Variants in SCG3 observed in about 807,000 individuals in gnomAD.
The protein encoded by SCG3 is secretogranin-3.
SCG3 carries 38 observed loss-of-function variants against 56.2 expected under a neutral mutation model. The observed-to-expected ratio is 0.68, with a 90% CI of 0.52 to 0.89. SCG3 has a LOEUF of 0.89. Ranked by LOEUF, SCG3 falls within the 40% of genes least tolerant of loss-of-function variation. The pLI, the probability that SCG3 is intolerant of heterozygous loss-of-function variation, is 0.00. For missense variants in SCG3, 524 were observed against 540.7 expected (o/e 0.97, Z 0.31); for synonymous variants, 176 against 184.2 (o/e 0.96, Z 0.36).
chr15:51,699,444 C>T, intron 9 of SCG3, 42 bp downstream of exon 9: 2 of 1,215,696 alleles, frequency 1.6e-6, no homozygotes, highest in Non-Finnish European at 2.4e-6. Flanking sequence ...AGAATAATAA[C>T]CCTTTTGAGT....
intron 4 of SCG3, among the ~76,000 whole-genome samples, chr15:51,686,328 G>T (rs1012435947): frequency 6.6e-6 from 1 of 152,214 alleles, no homozygotes; most frequent in East Asian, 1.9e-4. Context: ...GGAGACCTAA[G>T]TTCCTGGCTC....
At chr15:51,699,795 C>T (rs1014964302) in intron 9 of SCG3, among the ~76,000 whole-genome samples, 2 of 152,084 alleles carry the variant, frequency 1.3e-5, no homozygotes, top group African/African-American at 2.4e-5. Flanking sequence ...GCCCGCCTCC[C>T]GCTCTCCCCT....
At chr15:51,692,913 C>T (rs974994779) in intron 7 of SCG3, among the ~76,000 whole-genome samples, 1 of 150,980 alleles carries the variant, frequency 6.6e-6, no homozygotes, top group Admixed American at 6.6e-5. Flanking sequence ...CACTTAAGAC[C>T]TACCCTCTTA....
intron 4 of SCG3, among the ~76,000 whole-genome samples, 182 bp downstream of exon 4, chr15:51,683,616 T>C (rs1280095207): frequency 2.0e-5 from 3 of 152,154 alleles, no homozygotes; most frequent in African/African-American, 7.2e-5. Flanking sequence ...GAGTGCCATA[T>C]TTTATTTTCC....
At chr15:51,719,084 A>G (rs939760298) in intron 11 of SCG3, among the ~76,000 whole-genome samples, 18 of 152,176 alleles carry the variant, frequency 1.2e-4, no homozygotes, top group African/African-American at 7.2e-5. Flanking sequence ...CCACTTCCCA[A>G]TAGCCCCAGG....
At chr15:51,717,549 A>AG (rs1317019167) in intron 11 of SCG3, among the ~76,000 whole-genome samples, 1 of 116 alleles carries the variant, frequency 8.6e-3, no homozygotes, top group Non-Finnish European at 0.083. Flanking sequence ...AGAAAAAAAG[A>AG]AAAAAAAAGG....
At chr15:51,709,688 TATATATATA>T (rs1567222279) in intron 10 of SCG3, among the ~76,000 whole-genome samples, 224 of 21,884 alleles carry the variant, frequency 0.01, 3 homozygotes, top group Non-Finnish European at 0.013. Flanking sequence ...TATATATATA[TATATATATA>T]TATATTTTTT....
In SCG3 at chr15:51,683,325, C is replaced by A. The variant is rs1299610496; in HGVS notation, c.288C>A (p.Ser96Arg). The change falls in exon 4 of 12, where the codon AGC becomes AGA. Residue 96 changes from serine (S) to arginine (R), a missense_variant. By Grantham distance (110) the Ser-to-Arg change is moderately radical. Coordinates refer to ENST00000220478, the MANE Select transcript of SCG3 (RefSeq NM_013243.4). Reference protein sequence around the residue: ...KIEKERQSIRSSPLDNKLNVE... With the variant: ...KIEKERQSIRRSPLDNKLNVE... ...AGAAAGAAAGACAATCTATAAGAAG[C>A]TCCCCACTTGATAATAAGTTGAATG... The A allele has an allele frequency of 6.2e-7, 1 of 1,613,242 alleles. No individual in the cohort carries two copies. The highest frequency in any genetic ancestry group is 8.5e-7 in the Non-Finnish European group (1 of 1,179,310).
chr15:51,685,007 G>A (rs763256945), intron 4 of SCG3, among the ~76,000 whole-genome samples: 1 of 152,184 alleles, frequency 6.6e-6, no homozygotes, highest in Non-Finnish European at 1.5e-5. Flanking sequence ...TCCTTATTCT[G>A]TTCCATAGCT....
At chr15:51,703,569 C>G (rs770228760) in intron 10 of SCG3, among the ~76,000 whole-genome samples, 1 of 152,244 alleles carries the variant, frequency 6.6e-6, no homozygotes, top group Admixed American at 6.5e-5. Flanking sequence ...CTAGCAACAA[C>G]GGGATATTCT....
intron 10 of SCG3, among the ~76,000 whole-genome samples, chr15:51,705,684 G>C (rs1285320706): frequency 6.6e-6 from 1 of 152,106 alleles, no homozygotes; most frequent in African/African-American, 2.4e-5. Flanking sequence ...ACCACACCCA[G>C]CTAATTTTTG....
intron 7 of SCG3, 74 bp downstream of exon 7, chr15:51,692,410 T>G: frequency 1.5e-6 from 2 of 1,364,434 alleles, no homozygotes; most frequent in Non-Finnish European, 2.0e-6. Flanking sequence ...TGTTCTTTTC[T>G]TCCTGTTTTC....
chr15:51,692,150 C>G lies in SCG3; in HGVS notation c.691-9C>G. On this transcript the variant is annotated splice_polypyrimidine_tract_variant and intron_variant, in intron 6 of 11. Transcript: ENST00000220478. ...ATGTTCATTTTTTATTGATTTTTCC[C>G]CACTGGAGACTCCAATGGCAGCAAT... The G allele has an allele frequency of 1.3e-6, 2 of 1,595,994 alleles. No individual in the cohort carries two copies. The highest frequency in any genetic ancestry group is 1.7e-6 in the Non-Finnish European group (2 of 1,171,916).
intron 7 of SCG3, 140 bp downstream of exon 7, chr15:51,692,476 A>G: frequency 1.4e-6 from 1 of 707,880 alleles, no homozygotes; most frequent in Non-Finnish European, 2.2e-6. Flanking sequence ...AAAAGGGTTC[A>G]CATCGATTTT....
chr15:51,701,950 G>A (rs1026161095), intron 10 of SCG3, among the ~76,000 whole-genome samples: 2 of 152,140 alleles, frequency 1.3e-5, no homozygotes, highest in Non-Finnish European at 2.9e-5. Context: ...TCGGGGGATG[G>A]GGGAGGATTA....
At chr15:51,709,558 G>A (rs2055398503) in intron 10 of SCG3, among the ~76,000 whole-genome samples, 1 of 148,054 alleles carries the variant, frequency 6.8e-6, no homozygotes, top group Non-Finnish European at 1.5e-5. Context: ...TGAAAAAATA[G>A]TTTCTGATAT....
chr15:51,702,836 T>C (rs895010308), intron 10 of SCG3, among the ~76,000 whole-genome samples: 2 of 152,238 alleles, frequency 1.3e-5, no homozygotes, highest in African/African-American at 4.8e-5. Context: ...GTCATTATGA[T>C]ATATTGGCAT....
chr15:51,689,348 G>A lies in SCG3; in HGVS notation c.670G>A (p.Gly224Arg), dbSNP rs1198103444. Residue 224 changes from glycine (G) to arginine (R), a missense_variant, in exon 6 of 12, where the codon GGA becomes AGA. By Grantham distance (125) the Gly-to-Arg change is moderately radical (BLOSUM62 -2). Coordinates refer to ENST00000220478, the MANE Select transcript of SCG3 (RefSeq NM_013243.4). ...KPTSWTENQA[G>R]KIPEKVTPMA... ...CACAAGCTGGACTGAGAATCAGGCT[G>A]GAAAAATACCAGAGAAAGTGGTATG... 4.3e-6 allele frequency: 7 copies of A among 1,613,124 alleles called. No individual in the cohort carries two copies. The East Asian group carries it at 1.6e-4, about 36-fold the overall frequency.
At chr15:51,688,596 A>G (rs913298792) in intron 5 of SCG3, among the ~76,000 whole-genome samples, 194 bp downstream of exon 5, 1 of 152,134 alleles carries the variant, frequency 6.6e-6, no homozygotes, top group African/African-American at 2.4e-5. Context: ...GAACTAGGCA[A>G]GTAGACACAC....
Sources: gnomAD v4.1 joint callset for allele counts (sites outside exome capture counted in the v4.1 genomes callset) on GRCh38, gnomAD v4.1.1 for gene constraint, MANE v1.5 for transcripts, NCBI Gene and HGNC (gene_info 2026-07-23, HGNC 2026-07-21) for gene names.